The following NTRK2 variants were observed in gnomAD, a reference collection of about 807,000 sequenced individuals.
The protein encoded by NTRK2 is BDNF/NT-3 growth factors receptor.
A neutral mutation model predicts 94.5 loss-of-function variants in NTRK2; 13 were observed. That is an observed-to-expected ratio of 0.14 (90% CI 0.09 to 0.22). The LOEUF is 0.22. NTRK2 is among the 10% of genes least tolerant of loss of function. The probability of loss-of-function intolerance (pLI) is 1.00; values close to 1 mark genes in which losing one functional copy is unlikely to be tolerated. For missense variants in NTRK2, 639 were observed against 1,071.2 expected, an observed-to-expected ratio of 0.60 and a Z score of 5.63; for synonymous variants, 372 against 407.4, an observed-to-expected ratio of 0.91 and a Z score of 1.05.
At chr9:84,860,891 G>GTTTA (rs143811359) in intron 12 of NTRK2, 149 bp from the exon 13 acceptor site, 9,406 of 378,524 alleles carry the variant, frequency 0.025, 206 homozygotes, top group African/African-American at 0.068. Context: ...CAAGTGGTTT[G>GTTTA]TTTATTTATT....
chr9:84,841,173 A>G (rs533290616), intron 12 of NTRK2, among the ~76,000 whole-genome samples: 6 of 152,246 alleles, frequency 3.9e-5, no homozygotes, highest in Non-Finnish European at 5.9e-5. Context: ...CTCGTTTCCA[A>G]TGGAGACCTG....
rs2063937462 is a variant in NTRK2 at position 84,744,958 on chromosome 9, C to T, written c.1196-15C>T. 1 of 1,588,452 alleles carries T rather than the reference C, an allele frequency of 6.3e-7. No homozygotes were observed. The highest frequency in any genetic ancestry group is 8.6e-7 in the Non-Finnish European group (1 of 1,156,690). ...AACTTCATGTTCTTCCTCATTCCCCCTTTGCCCACTTAAGATTATGGAACT... is the reference window on the plus strand; with the variant it reads ...AACTTCATGTTCTTCCTCATTCCCCTTTTGCCCACTTAAGATTATGGAACT... On this transcript the variant is annotated splice_polypyrimidine_tract_variant and intron_variant, in intron 10 of 18. Transcript: ENST00000277120.
intron 12 of NTRK2, 71 bp downstream of exon 12, chr9:84,752,156 C>T (rs1210080774): frequency 1.5e-5 from 17 of 1,171,094 alleles, no homozygotes; most frequent in Non-Finnish European, 2.2e-5. Flanking sequence ...CTAATTACCA[C>T]TAAAGAAGGA....
chr9:84,823,535 C>A (rs952144713), intron 12 of NTRK2, among the ~76,000 whole-genome samples: 1 of 152,204 alleles, frequency 6.6e-6, no homozygotes, highest in African/African-American at 2.4e-5. Flanking sequence ...ATGTGGTAGA[C>A]CATAGGTTCC....
chr9:84,877,520 G>A, intron 14 of NTRK2: 4 of 1,066,574 alleles, frequency 3.8e-6, no homozygotes, highest in Non-Finnish European at 4.5e-6. Context: ...CTCCCCATGT[G>A]GCCAAGGACC....
Position 84,860,891 on chromosome 9 carries a change from GTTTATTTATTTATTTATTTA to G in NTRK2, c.1397-125_1397-106del, listed in dbSNP as rs143811359. 1.6e-4 allele frequency: 59 copies of G among 379,038 alleles called. 2 individuals are homozygous for G. Among genetic ancestry groups the G allele is most frequent in the East Asian group, 4.5e-4 (9 of 20,190 alleles). 23.5% of individuals were successfully genotyped at this position (379,038 alleles called of 1,614,324 possible). On this transcript the variant is annotated intron_variant, in intron 12 of 18. Coordinates refer to ENST00000277120, the MANE Select transcript of NTRK2 (RefSeq NM_006180.6). ...AGGAAGCTTTCATCCCAAGTGGTTTGTTTATTTATTTATTTATTTATTTATTTATTTATTTATTTATTTTT... is the reference window on the plus strand; with the variant it reads ...AGGAAGCTTTCATCCCAAGTGGTTTGTTTATTTATTTATTTATTTATTTTT...
intron 12 of NTRK2, among the ~76,000 whole-genome samples, chr9:84,846,203 G>T (rs1228480126): frequency 3.9e-5 from 6 of 152,176 alleles, no homozygotes; most frequent in Non-Finnish European, 8.8e-5. Flanking sequence ...AATTTATTTG[G>T]TTGGGTTAAC....
intron 12 of NTRK2, chr9:84,815,345 G>T (rs2072280361): frequency 2.9e-6 from 3 of 1,046,584 alleles, no homozygotes; most frequent in Admixed American, 5.5e-5. Flanking sequence ...AAAAAGAAAG[G>T]AACAGAGATT....
intron 16 of NTRK2, among the ~76,000 whole-genome samples, chr9:84,954,679 G>T (rs950390199): frequency 6.6e-6 from 1 of 152,204 alleles, no homozygotes; most frequent in Non-Finnish European, 1.5e-5. Context: ...GCTTGAGAGA[G>T]CCAGGCGTAG....
At chr9:84,747,290 A>G (rs2064164257) in intron 11 of NTRK2, among the ~76,000 whole-genome samples, 1 of 152,148 alleles carries the variant, frequency 6.6e-6, no homozygotes, top group Non-Finnish European at 1.5e-5. Context: ...AACAAATACC[A>G]TGGTAAGTCA....
chr9:84,726,380 G>A (rs375687006), intron 8 of NTRK2, among the ~76,000 whole-genome samples: 27 of 152,276 alleles, frequency 1.8e-4, no homozygotes, highest in East Asian at 1.7e-3. Context: ...CAAGCTACTC[G>A]GAAGGCTGAG....
At chr9:84,809,862 A>G (rs2071557903) in intron 12 of NTRK2, among the ~76,000 whole-genome samples, 2 of 147,706 alleles carry the variant, frequency 1.4e-5, no homozygotes, top group Admixed American at 6.9e-5. Context: ...GGCCTGGGCA[A>G]CAGAGCAATA....
chr9:84,739,628 G>A (rs2132270950), intron 9 of NTRK2, among the ~76,000 whole-genome samples: 1 of 152,274 alleles, frequency 6.6e-6, no homozygotes, highest in Non-Finnish European at 1.5e-5. Flanking sequence ...AGCTGTAGGT[G>A]TAAAAGCGAT....
At chr9:84,766,502 A>G (rs1241659958) in intron 12 of NTRK2, among the ~76,000 whole-genome samples, 1 of 152,134 alleles carries the variant, frequency 6.6e-6, no homozygotes, top group Non-Finnish European at 1.5e-5. Context: ...CACTGATGTA[A>G]TGATGTATTA....
intron 15 of NTRK2, among the ~76,000 whole-genome samples, chr9:84,939,996 T>C (rs1012528760): frequency 2.6e-5 from 4 of 152,132 alleles, no homozygotes; most frequent in African/African-American, 9.7e-5. Context: ...CAAACAGCTA[T>C]GCAAAAATCC....
At chr9:84,833,379 G>T (rs146529257) in intron 12 of NTRK2, among the ~76,000 whole-genome samples, 127 of 151,804 alleles carry the variant, frequency 8.4e-4, no homozygotes, top group Middle Eastern at 3.4e-3. Flanking sequence ...ACAGGTTTGA[G>T]AATAACTTGA....
intron 15 of NTRK2, among the ~76,000 whole-genome samples, chr9:84,935,547 G>A (rs1414907914): frequency 6.6e-6 from 1 of 152,082 alleles, no homozygotes; most frequent in Non-Finnish European, 1.5e-5. Flanking sequence ...TAAAGAACAG[G>A]CCTTCCTAGG....
In NTRK2 at chr9:84,939,067, A is replaced by AAAAAAAAG. The variant is rs1554772373; in HGVS notation, c.1764+4779_1764+4780insAAAGAAAA. Among the ~76,000 whole-genome samples, 387 of 144,542 alleles carry AAAAAAAAG rather than the reference A, an allele frequency of 2.7e-3. 2 individuals carry two copies. Among genetic ancestry groups the AAAAAAAAG allele is most frequent in the East Asian group, 0.018 (88 of 4,812 alleles). The allele number at this position is 144,542 out of a possible 152,430, so 94.8% of individuals were successfully genotyped here. A position where few individuals can be genotyped will look rare whatever the true frequency, so the allele number is the denominator to read the frequency against. On this transcript the variant is annotated intron_variant, in intron 15 of 18. Coordinates refer to ENST00000277120, the MANE Select transcript of NTRK2 (RefSeq NM_006180.6). Reference sequence around the variant, plus strand: ...ACCCCAACTCAAAAAAAAAAAAAAAAAAAAGAAAAGAAAAGAAAAAAAAAG... The same window carrying AAAAAAAAG: ...ACCCCAACTCAAAAAAAAAAAAAAAAAAAAAAAGAAAAGAAAAGAAAAGAAAAAAAAAG...
intron 12 of NTRK2, among the ~76,000 whole-genome samples, chr9:84,763,897 C>A (rs1350965247): frequency 6.6e-6 from 1 of 151,854 alleles, no homozygotes; most frequent in Admixed American, 6.6e-5. Flanking sequence ...TTTTTCCCTG[C>A]CTTACACTGG....
Sources: gnomAD v4.1 joint callset for allele counts (sites outside exome capture counted in the v4.1 genomes callset) on GRCh38, gnomAD v4.1.1 for gene constraint, MANE v1.5 for transcripts, NCBI Gene and HGNC (gene_info 2026-07-23, HGNC 2026-07-21) for gene names.